ARHGEF7: variants seen among roughly 807,000 people sequenced by gnomAD.
ARHGEF7 encodes the protein PAK-interacting exchange factor beta.
ARHGEF7 carries 33 observed loss-of-function variants against 109.8 expected under a neutral mutation model. The ratio of observed to expected loss-of-function variants is 0.30; its 90% confidence interval spans 0.23 to 0.40. The LOEUF (loss-of-function observed/expected upper bound fraction) is 0.40, where lower values mean the gene tolerates loss of function less well. Ranked by LOEUF, ARHGEF7 falls within the 10% of genes least tolerant of loss-of-function variation. ARHGEF7 has a pLI of 1.00. For missense variants in ARHGEF7, 938 were observed against 1,098.5 expected, an observed-to-expected ratio of 0.85 and a Z score of 2.07; for synonymous variants, 458 against 424.6, an observed-to-expected ratio of 1.08 and a Z score of -0.97.
At chr13:111,121,826 A>G (rs995093474) in intron 1 of ARHGEF7, among the ~76,000 whole-genome samples, 4 of 152,088 alleles carry the variant, frequency 2.6e-5, no homozygotes, top group Non-Finnish European at 4.4e-5. Context: ...AACCTCTCGG[A>G]GTCCTAGTTT....
intron 1 of ARHGEF7, chr13:111,144,878 A>C (rs912169211): frequency 1.3e-5 from 2 of 152,196 alleles, no homozygotes; most frequent in African/African-American, 4.8e-5. Context: ...CAACATTCAA[A>C]GGGTACAATA....
intron 1 of ARHGEF7, chr13:111,153,674 G>A (rs1226494773): frequency 2.2e-5 from 27 of 1,242,702 alleles, no homozygotes; most frequent in African/African-American, 4.8e-5. Context: ...TCACTTCCTG[G>A]TGCGGGAAGG....
chr13:111,221,535 ATATATAGATACATATCTATATATC>A lies in ARHGEF7; in HGVS notation c.670+3662_670+3685del, dbSNP rs1312766851. Among the ~76,000 whole-genome samples, 5 of 84,200 alleles carry A rather than the reference ATATATAGATACATATCTATATATC, an allele frequency of 5.9e-5. 1 individual carries two copies. In the East Asian group the frequency reaches 5.6e-3, roughly 94 times the overall value. The allele number at this position is 84,200 out of a possible 152,430, so 55.2% of individuals were successfully genotyped here. A position where few individuals can be genotyped will look rare whatever the true frequency, so the allele number is the denominator to read the frequency against. On this transcript the variant is annotated intron_variant, in intron 5 of 21. Coordinates refer to ENST00000646102, the MANE Select transcript of ARHGEF7 (RefSeq NM_001354046.2). The stretch of plus-strand genomic sequence containing the variant: ...TATAGATATATATCTATATATATCT[ATATATAGATACATATCTATATATC>A]TATATATATAGATACATATCTATAT...
chr13:111,282,755 T>G (rs1396515083), intron 15 of ARHGEF7: 2 of 245,970 alleles, frequency 8.1e-6, no homozygotes, highest in African/African-American at 4.5e-5. Context: ...ATCACCTTCC[T>G]TCTTACAGCC....
chr13:111,254,129 C>G (rs1367538524), intron 8 of ARHGEF7, among the ~76,000 whole-genome samples: 1 of 152,140 alleles, frequency 6.6e-6, no homozygotes, highest in Non-Finnish European at 1.5e-5. Context: ...CATCTCCAGT[C>G]CTTTACTCAG....
At position 111,186,271 on chromosome 13, in the gene ARHGEF7, A is replaced by G. The variant is rs535824309; in HGVS notation, c.253-19018A>G. On this transcript the variant is annotated intron_variant, in intron 2 of 21. Transcript: ENST00000646102. ...CTCCTCTCACCCCTTCCTGGAAACTACCTAAAATACTTGGTTACTTCTTTT... is the reference window on the plus strand; with the variant it reads ...CTCCTCTCACCCCTTCCTGGAAACTGCCTAAAATACTTGGTTACTTCTTTT... Among the ~76,000 whole-genome samples, 4 of 152,084 alleles carry G rather than the reference A, an allele frequency of 2.6e-5. No homozygotes were observed. The South Asian group carries it at 8.3e-4, about 32-fold the overall frequency.
chr13:111,170,739 C>G (rs891624033), intron 2 of ARHGEF7, among the ~76,000 whole-genome samples: 1 of 152,196 alleles, frequency 6.6e-6, no homozygotes, highest in African/African-American at 2.4e-5. Flanking sequence ...CTTGGGAGAA[C>G]TCTGATGACG....
At chr13:111,226,657 A>G (rs2085254487) in intron 5 of ARHGEF7, among the ~76,000 whole-genome samples, 1 of 152,210 alleles carries the variant, frequency 6.6e-6, no homozygotes, top group African/African-American at 2.4e-5. Context: ...ATCACCCAAG[A>G]GCTTTGAGGG....
At chr13:111,167,476 T>C (rs1414603430) in intron 2 of ARHGEF7, among the ~76,000 whole-genome samples, 3 of 152,212 alleles carry the variant, frequency 2.0e-5, no homozygotes, top group African/African-American at 4.8e-5. Flanking sequence ...TTGTTTCTTA[T>C]CAGTTTTAGT....
chr13:111,223,162 T>C (rs1594903656), intron 5 of ARHGEF7, among the ~76,000 whole-genome samples: 1 of 152,188 alleles, frequency 6.6e-6, no homozygotes, highest in East Asian at 1.9e-4. Context: ...GGTACCCCCG[T>C]GGATAAGGGT....
intron 19 of ARHGEF7, chr13:111,292,950 C>T: frequency 1.0e-6 from 1 of 985,932 alleles, no homozygotes; most frequent in Non-Finnish European, 1.2e-6. Context: ...CCTCACGGCT[C>T]TGTGCTCTTC....
intron 1 of ARHGEF7, among the ~76,000 whole-genome samples, chr13:111,141,360 T>C (rs533805157): frequency 9.1e-6 from 1 of 109,646 alleles, no homozygotes; most frequent in South Asian, 2.6e-4. Context: ...GTCCCCATGT[T>C]TTTTTTTTTT....
intron 1 of ARHGEF7, among the ~76,000 whole-genome samples, chr13:111,116,163 T>G (rs1465087515): frequency 6.6e-6 from 1 of 152,096 alleles, no homozygotes; most frequent in Non-Finnish European, 1.5e-5. Flanking sequence ...CTCTGTATTT[T>G]TAAAGAGGCA....
intron 9 of ARHGEF7, among the ~76,000 whole-genome samples, chr13:111,271,224 T>A (rs1305079227): frequency 6.6e-6 from 1 of 152,160 alleles, no homozygotes; most frequent in Non-Finnish European, 1.5e-5. Context: ...GTCCTTGTGG[T>A]CCTGCTGTCC....
intron 2 of ARHGEF7, among the ~76,000 whole-genome samples, chr13:111,166,100 C>G (rs1392825685): frequency 1.3e-5 from 2 of 152,206 alleles, no homozygotes; most frequent in African/African-American, 4.8e-5. Flanking sequence ...CCACCATTAG[C>G]CCAGGCTGTC....
chr13:111,296,934 CTCTG>C lies in ARHGEF7; in HGVS notation c.2312-3809_2312-3806del, dbSNP rs1241720318. Among the ~76,000 whole-genome samples, 115 of 152,316 alleles carry C rather than the reference CTCTG, an allele frequency of 7.6e-4. 3 individuals are homozygous for C. Among genetic ancestry groups the C allele is most frequent in the Admixed American group, 7.4e-3 (114 of 15,306 alleles). On this transcript the variant is annotated intron_variant, in intron 19 of 21. Coordinates refer to ENST00000646102, the MANE Select transcript of ARHGEF7 (RefSeq NM_001354046.2). ...CTAGAACCATCATGAATGTGTTCATCTCTGTCTGAGCCTCTGTTATGGATTTTAA... is the reference window on the plus strand; with the variant it reads ...CTAGAACCATCATGAATGTGTTCATCTCTGAGCCTCTGTTATGGATTTTAA...
chr13:111,304,855 TTC>T lies in ARHGEF7; in HGVS notation c.*1744_*1745del, dbSNP rs1031043973. ...GCGGGCACAAGCAAAGATCAACACT[TTC>T]TTTTTTGGTAAGCTTGAGTTTTACA... On this transcript the variant is annotated 3_prime_UTR_variant, in exon 22 of 22. Coordinates refer to ENST00000646102, the MANE Select transcript of ARHGEF7 (RefSeq NM_001354046.2). The T allele has an allele frequency of 6.6e-6, 1 of 152,258 alleles. No individual in the cohort carries two copies. The highest frequency in any genetic ancestry group is 2.4e-5 in the African/African-American group (1 of 41,468). 9.4% of individuals were successfully genotyped at this position (152,258 alleles called of 1,614,324 possible).
In ARHGEF7 at chr13:111,266,527, C is replaced by G. The variant is rs1211020196; in HGVS notation, c.951-1021C>G. Among the ~76,000 whole-genome samples, 2 of 152,076 alleles carry G rather than the reference C, an allele frequency of 1.3e-5. No individual in the cohort carries two copies. Among genetic ancestry groups the G allele is most frequent in the African/African-American group, 4.8e-5 (2 of 41,394 alleles). On this transcript the variant is annotated intron_variant, in intron 8 of 21. Transcript: ENST00000646102. The surrounding 1 kb of genome is among the most constrained non-coding windows in gnomAD (Gnocchi z 4.8). ...GGAATGACTATCATATTTCCTTTTT[C>G]TCCTTTGCTCCTTCATTCCCCTTTT...
At chr13:111,147,529 G>A (rs2075660255) in intron 1 of ARHGEF7, among the ~76,000 whole-genome samples, 1 of 152,106 alleles carries the variant, frequency 6.6e-6, no homozygotes, top group African/African-American at 2.4e-5. Flanking sequence ...CATCTTGTTT[G>A]TATCACAATA....
Sources: allele counts gnomAD v4.1 joint callset (sites outside exome capture counted in the v4.1 genomes callset), GRCh38; gene constraint gnomAD v4.1.1; non-coding constraint Gnocchi (gnomAD v3.1); transcripts MANE v1.5; gene names NCBI Gene and HGNC (gene_info 2026-07-23, HGNC 2026-07-21).